KANSL2: variants seen among roughly 807,000 people sequenced by gnomAD.
The protein encoded by KANSL2 is KAT8 regulatory NSL complex subunit 2, also known as NSL complex protein NSL2.
In KANSL2, 34 loss-of-function variants were observed where a neutral mutation model predicts 55.6. The observed-to-expected ratio is 0.61, with a 90% confidence interval of 0.46 to 0.81. The LOEUF is 0.81. KANSL2 is among the 40% of genes least tolerant of loss of function. KANSL2 has a pLI of 0.00. For synonymous variants in KANSL2, 209 were observed against 214.3 expected (o/e 0.98, Z 0.22); for missense variants, 502 against 609.9 (o/e 0.82, Z 1.86).
At chr12:48,667,559 G>A (rs1228173945) in intron 7 of KANSL2, 134 bp downstream of exon 7, 4 of 780,028 alleles carry the variant, frequency 5.1e-6, no homozygotes, top group Admixed American at 3.4e-5. Flanking sequence ...GAAACCAACA[G>A]CTTCAGCAAA....
intron 8 of KANSL2, among the ~76,000 whole-genome samples, chr12:48,655,514 AGCCGAGACTGCACCTCT>A (rs1473607865): frequency 1.3e-5 from 2 of 151,838 alleles, no homozygotes; most frequent in African/African-American, 2.4e-5. Context: ...GGCTGCAGTG[AGCCGAGACTGCACCTCT>A]GCACTCTAAC....
chr12:48,655,045 C>A lies in KANSL2; in HGVS notation c.1243G>T (p.Gly415Cys). Residue 415 changes from glycine (G) to cysteine (C), a missense_variant, in exon 9 of 10, where the codon GGT becomes TGT. Coordinates refer to ENST00000420613, the MANE Select transcript of KANSL2 (RefSeq NM_017822.4). ...GAAGGAGGACACTGCATACCATCAC[C>A]CACAACATCCAAGTCCTAGAAAAAA... ...LEFSDDLDVV[G>C]DGMQCPPSPL... The A allele has an allele frequency of 6.3e-7, 1 of 1,579,124 alleles. No individual in the cohort carries two copies. The highest frequency in any genetic ancestry group is 2.3e-5 in the East Asian group (1 of 43,306).
intron 3 of KANSL2, 123 bp from the exon 4 acceptor site, chr12:48,679,273 A>C (rs1939878434): frequency 4.0e-6 from 3 of 741,368 alleles, no homozygotes; most frequent in Middle Eastern, 2.3e-4. Flanking sequence ...AAAAAAAAAC[A>C]CTTAGTACAA....
chr12:48,681,828 C>T (rs1471779022), intron 1 of KANSL2, 187 bp from the exon 2 acceptor site: 2 of 736,082 alleles, frequency 2.7e-6, no homozygotes, highest in Non-Finnish European at 4.8e-6. Flanking sequence ...TAGCGTGTCC[C>T]TCCATGCCCG....
rs745753386 is a variant in KANSL2, at chr12:48,681,472, T to C, written c.161A>G (p.Lys54Arg). Residue 54 changes from lysine (K) to arginine (R), a missense_variant, in exon 2 of 10, where the codon AAG becomes AGG. Physicochemically the swap from Lys to Arg is conservative, Grantham distance 26. Transcript: ENST00000420613. ...EFCIKHILED[K>R]NAPFKQCSYI... Reference sequence around the variant, plus strand: ...ACTACACTGCTTGAAGGGTGCATTCTTGTCTTCAAGGATATGCTTAATGCA... The same window carrying C: ...ACTACACTGCTTGAAGGGTGCATTCCTGTCTTCAAGGATATGCTTAATGCA... The C allele has an allele frequency of 8.7e-6, 14 of 1,613,986 alleles. No individual in the cohort carries two copies. The highest frequency in any genetic ancestry group is 6.7e-5 in the East Asian group (3 of 44,882).
intron 7 of KANSL2, among the ~76,000 whole-genome samples, chr12:48,664,569 C>T (rs1197666433): frequency 2.1e-5 from 3 of 142,874 alleles, no homozygotes; most frequent in African/African-American, 5.2e-5. Context: ...TGAGCCACCG[C>T]ACCTGGCCTT....
At chr12:48,671,367 A>G (rs1297051093) in intron 5 of KANSL2, among the ~76,000 whole-genome samples, 2 of 152,164 alleles carry the variant, frequency 1.3e-5, no homozygotes, top group African/African-American at 4.8e-5. Context: ...AGTACAGCTT[A>G]AGTGTACAGT....
At chr12:48,665,741 G>A (rs923031979) in intron 7 of KANSL2, among the ~76,000 whole-genome samples, 3 of 152,142 alleles carry the variant, frequency 2.0e-5, no homozygotes, top group African/African-American at 7.2e-5. Flanking sequence ...AAAGTTTGAA[G>A]GCCCAATGCC....
intron 5 of KANSL2, among the ~76,000 whole-genome samples, chr12:48,669,821 T>C (rs1592104559): frequency 6.7e-6 from 1 of 150,136 alleles, no homozygotes; most frequent in East Asian, 2.1e-4. Flanking sequence ...AGCTGAAAAA[T>C]TCTTATTGCC....
At chr12:48,674,019 G>T (rs776506673) in intron 4 of KANSL2, among the ~76,000 whole-genome samples, 2 of 152,026 alleles carry the variant, frequency 1.3e-5, no homozygotes, top group Non-Finnish European at 2.9e-5. Flanking sequence ...TTCACTCACC[G>T]TCTGATCATT....
At chr12:48,674,819 G>C (rs1939790515) in intron 4 of KANSL2, among the ~76,000 whole-genome samples, 1 of 151,904 alleles carries the variant, frequency 6.6e-6, no homozygotes, top group Non-Finnish European at 1.5e-5. Context: ...CCAGCTACTC[G>C]GGAGGCTGAG....
chr12:48,682,152 G>C, intron 1 of KANSL2, 35 bp downstream of exon 1: 1 of 702,136 alleles, frequency 1.4e-6, no homozygotes, highest in African/African-American at 1.7e-5. Flanking sequence ...CAGCCCAACC[G>C]CAAGAGCTTA....
At chr12:48,681,987 T>G (rs929685589) in intron 1 of KANSL2, 200 bp downstream of exon 1, 9 of 702,860 alleles carry the variant, frequency 1.3e-5, no homozygotes, top group African/African-American at 1.2e-4. Flanking sequence ...AGCGCACGAC[T>G]GGGCCTGGCC....
intron 8 of KANSL2, among the ~76,000 whole-genome samples, chr12:48,657,167 G>A (rs1404618811): frequency 2.0e-5 from 3 of 152,178 alleles, no homozygotes; most frequent in Admixed American, 6.5e-5. Flanking sequence ...CGGATCATGA[G>A]GTCAAGAGAT....
chr12:48,655,568 C>CAA (rs11427280), intron 8 of KANSL2, among the ~76,000 whole-genome samples: 5,273 of 143,462 alleles, frequency 0.037, 140 homozygotes, highest in African/African-American at 0.073. Context: ...GACCCTGTCT[C>CAA]AAAAAAAAAA....
chr12:48,672,433 A>ATATTTT (rs371918890), intron 4 of KANSL2, among the ~76,000 whole-genome samples: 24 of 120,376 alleles, frequency 2.0e-4, no homozygotes, highest in African/African-American at 6.5e-4. Context: ...ATATATATAT[A>ATATTTT]TTTTTTTTTT....
At chr12:48,682,079 ACTGACT>A (rs1565611326) in intron 1 of KANSL2, 102 bp downstream of exon 1, 2 of 703,022 alleles carry the variant, frequency 2.8e-6, no homozygotes, top group East Asian at 2.7e-5. Context: ...CAGGAAGGAG[ACTGACT>A]CTGACACTGC....
intron 4 of KANSL2, among the ~76,000 whole-genome samples, chr12:48,674,063 G>A (rs965555267): frequency 3.3e-5 from 5 of 152,060 alleles, no homozygotes; most frequent in Non-Finnish European, 7.4e-5. Context: ...TATACCTTAA[G>A]TTTCATACTG....
rs539657466 is a variant in KANSL2 at position 48,656,093 on chromosome 12, C to T, written c.1228-1033G>A. On this transcript the variant is annotated intron_variant, in intron 8 of 9. Transcript: ENST00000420613. ...TAAAATTAAATATTGCTGGGTAATA[C>T]AAGATTGCCTGATTAATATCCTAAC... Among the ~76,000 whole-genome samples, 4 of 152,132 alleles carry T rather than the reference C, an allele frequency of 2.6e-5. No homozygotes were observed. The South Asian group carries it at 8.3e-4, about 32-fold the overall frequency.
Sources: allele counts gnomAD v4.1 joint callset (sites outside exome capture counted in the v4.1 genomes callset), GRCh38; gene constraint gnomAD v4.1.1; transcripts MANE v1.5; gene names NCBI Gene and HGNC (gene_info 2026-07-23, HGNC 2026-07-21).